The following SNAPC4 variants were observed in gnomAD, a reference collection of about 807,000 sequenced individuals.
The protein encoded by SNAPC4 is small nuclear RNA activating complex polypeptide 4, also known as snRNA-activating protein complex subunit 4.
A neutral mutation model predicts 151.3 loss-of-function variants in SNAPC4; 127 were observed. The observed-to-expected ratio is 0.84, with a 90% CI of 0.73 to 0.97. SNAPC4 has a LOEUF of 0.97. Among genes scored for constraint, SNAPC4 ranks in the 50% least tolerant of loss-of-function variants. SNAPC4 has a pLI of 0.00. For synonymous variants in SNAPC4, 1,002 were observed against 824.4 expected, an observed-to-expected ratio of 1.22 and a Z score of -3.69; for missense variants, 2,186 against 1,935.0, an observed-to-expected ratio of 1.13 and a Z score of -2.43.
chr9:136,377,260 A>G (rs1833481674), intron 22 of SNAPC4, among the ~76,000 whole-genome samples: 1 of 152,186 alleles, frequency 6.6e-6, no homozygotes, highest in Admixed American at 6.5e-5. Flanking sequence ...TCTCGCTCAG[A>G]CAAGGCCACC....
At position 136,377,666 on chromosome 9, in the gene SNAPC4, G is replaced by A. The variant is rs1346002712; in HGVS notation, c.4161C>T (p.Arg1387=). The change falls in exon 22 of 24, where the codon CGC becomes CGT. Residue 1387 remains arginine, a synonymous_variant. Transcript: ENST00000684778. ...CCCTCGAAGGTACTGAGAGGGTGGT[G>A]CGGACGCCTTGGGGGGCCAGGGTGG... is the stretch of plus-strand genomic sequence containing the variant. ...LLATLAPQGV[R]TTLSVPSRVG... is the part of the protein sequence containing the mutation. The A allele has an allele frequency of 1.9e-6, 3 of 1,606,486 alleles. No individual in the cohort carries two copies. The highest frequency in any genetic ancestry group is 2.6e-6 in the Non-Finnish European group (3 of 1,176,034).
rs755905351 is a variant in SNAPC4 at position 136,377,863 on chromosome 9, T to C, written c.3964A>G (p.Lys1322Glu). The change falls in exon 22 of 24, where the codon AAG (lysine) becomes GAG (glutamate). Residue 1322 changes from lysine (K) to glutamate (E), a missense_variant. Physicochemically the swap from Lys to Glu is moderately conservative, Grantham distance 56 (BLOSUM62 1). Transcript: ENST00000684778. ...GAGGTGGCCTTGTGCTCCAGGGCCT[T>C]CTTGTGGAGTAGGAGACCGGACAGA... The part of the protein sequence containing the change: ...RALSGLLLHK[K>E]ALEHKATSLV... 3 of 1,611,456 alleles carry C rather than the reference T, an allele frequency of 1.9e-6. No homozygotes were observed. The highest frequency in any genetic ancestry group is 4.5e-5 in the East Asian group (2 of 44,864).
Position 136,378,742 on chromosome 9 carries a change from G to A in SNAPC4, c.3085C>T (p.Pro1029Ser), listed in dbSNP as rs762537341. The A allele has an allele frequency of 3.2e-5, 49 of 1,520,024 alleles. No homozygotes were observed. In the South Asian group the frequency reaches 3.9e-4, roughly 12 times the overall value. The allele number at this position is 1,520,024 out of a possible 1,614,324, so 94.2% of individuals were successfully genotyped here. The change falls in exon 22 of 24, where the codon CCC becomes TCC. Residue 1029 changes from proline to serine, a missense_variant. By Grantham distance (74) the Pro-to-Ser change is moderately conservative. Coordinates refer to ENST00000684778, the MANE Select transcript of SNAPC4 (RefSeq NM_003086.4). Reference sequence around the variant, plus strand: ...AGGCCCTGCTTCCGGGATGCAGCGGGGGCCTGAGACTGTCCGAGACCACTC... The same window carrying A: ...AGGCCCTGCTTCCGGGATGCAGCGGAGGCCTGAGACTGTCCGAGACCACTC... The part of the protein sequence containing the change: ...PESGLGQSQA[P>S]AASRKQGLPE...
chr9:136,376,339 C>T lies in SNAPC4; in HGVS notation c.*7+10G>A, dbSNP rs1462115126. ...GTTGTAGGGCAGTGGCCTCCCCACT[C>T]AGGACTCACCTGCTGCTCACACCAG... On this transcript the variant is annotated intron_variant, in intron 23 of 23. Coordinates refer to ENST00000684778, the MANE Select transcript of SNAPC4 (RefSeq NM_003086.4). 2 of 1,612,736 alleles carry T rather than the reference C, an allele frequency of 1.2e-6. No individual in the cohort carries two copies. The highest frequency in any genetic ancestry group is 2.2e-5 in the South Asian group (2 of 91,068).
At chr9:136,389,813 G>C (rs1382344469) in intron 10 of SNAPC4, among the ~76,000 whole-genome samples, 2 of 152,164 alleles carry the variant, frequency 1.3e-5, no homozygotes, top group East Asian at 1.9e-4. Context: ...GCTCTCAAAG[G>C]GGGCTGGAGG....
chr9:136,397,020 G>A lies in SNAPC4; in HGVS notation c.134C>T (p.Ser45Leu), dbSNP rs372635602. ...AGGATCCAAGTCCTCAGAAGGCAGT[G>A]AATCTGTCAGAAACACAAGCAACAC... ...SSLESDSEAD[S>L]LPSEDLDPAD... Residue 45 changes from serine to leucine, a missense_variant, in exon 3 of 24, where the codon TCA (serine) becomes TTA (leucine). Coordinates refer to ENST00000684778, the MANE Select transcript of SNAPC4 (RefSeq NM_003086.4). The A allele has an allele frequency of 7.4e-6, 12 of 1,612,666 alleles. No individual in the cohort carries two copies. Among genetic ancestry groups the A allele is most frequent in the African/African-American group, 2.7e-5 (2 of 74,912 alleles).
In SNAPC4 at chr9:136,380,757, G is replaced by C; in HGVS notation, c.2482C>G (p.Pro828Ala). 1 of 1,602,152 alleles carries C rather than the reference G, an allele frequency of 6.2e-7. No homozygotes were observed. Among genetic ancestry groups the C allele is most frequent in the Non-Finnish European group, 8.5e-7 (1 of 1,170,226 alleles). ...RLPQAGARDP[P>A]VHLLQASSSA... ...CCTGCTACCTGCAGAAGATGAACTG[G>C]TGGGTCCCGAGCACCAGCCTGGGGC... Residue 828 changes from proline to alanine, a missense_variant, in exon 20 of 24, where the codon CCA becomes GCA. Coordinates refer to ENST00000684778, the MANE Select transcript of SNAPC4 (RefSeq NM_003086.4).
In SNAPC4 at chr9:136,388,597, C is replaced by T. The variant is rs1833969671; in HGVS notation, c.976-6G>A. The T allele has an allele frequency of 6.2e-7, 1 of 1,613,894 alleles. No individual in the cohort carries two copies. The highest frequency in any genetic ancestry group is 8.5e-7 in the Non-Finnish European group (1 of 1,180,002). ...TGGAAGGCGCTGCGGCTGGTCTTCC[C>T]AGGCCCAAACAAAAGCAAATGAGTG... is the stretch of plus-strand genomic sequence containing the variant. On this transcript the variant is annotated splice_polypyrimidine_tract_variant and splice_region_variant and intron_variant, in intron 10 of 23. Transcript: ENST00000684778.
chr9:136,397,733 T>G (rs1399766765), intron 2 of SNAPC4, among the ~76,000 whole-genome samples: 68 of 46,726 alleles, frequency 1.5e-3, no homozygotes, highest in Middle Eastern at 0.014. Context: ...AGGAGAGCAC[T>G]TGGGGTGGGG....
intron 21 of SNAPC4, 51 bp downstream of exon 21, chr9:136,379,786 G>A (rs776435898): frequency 1.6e-5 from 26 of 1,584,106 alleles, no homozygotes; most frequent in South Asian, 8.9e-5. Context: ...CCTCTTCCCC[G>A]CCAGGGCCAG....
At chr9:136,396,845 T>C (rs1834291289) in intron 3 of SNAPC4, 132 bp downstream of exon 3, 2 of 766,454 alleles carry the variant, frequency 2.6e-6, no homozygotes, top group African/African-American at 1.7e-5. Context: ...TTAATTTTTT[T>C]ATAACAAACG....
rs1834221685 is a variant in SNAPC4 at position 136,395,200 on chromosome 9, T to C, written c.471+98A>G. On this transcript the variant is annotated intron_variant, in intron 5 of 23. Coordinates refer to ENST00000684778, the MANE Select transcript of SNAPC4 (RefSeq NM_003086.4). ...GAGGTTGGCCAATGTTATCTTGAAC[T>C]CACAGGAATTCACGACTCCCTGCAG... 9.6e-6 allele frequency: 14 copies of C among 1,451,570 alleles called. No homozygotes were observed. The South Asian group carries it at 1.8e-4, about 19-fold the overall frequency. 89.9% of individuals were successfully genotyped at this position (1,451,570 alleles called of 1,614,324 possible).
chr9:136,381,445 G>A (rs1212486246), intron 18 of SNAPC4, 53 bp from the exon 19 acceptor site: 1 of 1,488,864 alleles, frequency 6.7e-7, no homozygotes, highest in Non-Finnish European at 9.3e-7. Context: ...ATGGGCACAG[G>A]GGGATGGGTG....
rs770049261 is a variant in SNAPC4, at chr9:136,378,707, C to T, written c.3120G>A (p.Ala1040=). The change falls in exon 22 of 24, where the codon GCG becomes GCA. Residue 1040 remains alanine, a synonymous_variant. Transcript: ENST00000684778. ...AASRKQGLPE[A]PPFLPAAPSP... ...TGGGGGCTGCGGGGAGAAAGGGTGGCGCCTCAGGCAGGCCCTGCTTCCGGG... is the reference window on the plus strand; with the variant it reads ...TGGGGGCTGCGGGGAGAAAGGGTGGTGCCTCAGGCAGGCCCTGCTTCCGGG... 1.3e-5 allele frequency: 20 copies of T among 1,496,604 alleles called. No individual in the cohort carries two copies. The highest frequency in any genetic ancestry group is 2.3e-5 in the Admixed American group (1 of 43,574). The allele number at this position is 1,496,604 out of a possible 1,614,324, so 92.7% of individuals were successfully genotyped here.
chr9:136,377,636 G>A lies in SNAPC4; in HGVS notation c.4191C>T (p.Gly1397=), dbSNP rs747278911. 6.3e-6 allele frequency: 10 copies of A among 1,584,558 alleles called. No homozygotes were observed. In the East Asian group the frequency reaches 1.1e-4, roughly 18 times the overall value. ...GGAGGTCTTCATCCTCACTCTCAGA[G>A]CCCACCCTCGAAGGTACTGAGAGGG... ...RTTLSVPSRV[G]SESEDEDLLS... The change falls in exon 22 of 24, where the codon GGC becomes GGT. Residue 1397 remains glycine (G), a synonymous_variant. Transcript: ENST00000684778.
chr9:136,397,686 TG>T (rs1347533000), intron 2 of SNAPC4, among the ~76,000 whole-genome samples: 2 of 20,986 alleles, frequency 9.5e-5, no homozygotes, highest in Non-Finnish European at 1.7e-4. Context: ...GGGGAGCACG[TG>T]GGGTGGGGAG....
chr9:136,379,769 G>C, intron 21 of SNAPC4, 68 bp downstream of exon 21: 9 of 1,471,822 alleles, frequency 6.1e-6, no homozygotes, highest in Non-Finnish European at 8.5e-6. Context: ...GCCAGGGCCA[G>C]GTTAGGCCTC....
At position 136,375,888 on chromosome 9, in the gene SNAPC4, C is replaced by T. The variant is rs76673139; in HGVS notation, c.*8-88G>A. The T allele has an allele frequency of 6.6e-3, 1,019 of 153,564 alleles. 4 individuals carry two copies. Among genetic ancestry groups the T allele is most frequent in the Non-Finnish European group, 0.01 (695 of 68,816 alleles). 9.5% of individuals were successfully genotyped at this position (153,564 alleles called of 1,614,324 possible). A position where few individuals can be genotyped will look rare whatever the true frequency, so the allele number is the denominator to read the frequency against. On this transcript the variant is annotated intron_variant, in intron 23 of 23. Transcript: ENST00000684778. ...GGGACAGACAAACAGGAACCAAGAC[C>T]ACCCCAGCGCCGGCCACGCCCAGTC...
At chr9:136,393,595 C>T (rs1834156333) in intron 7 of SNAPC4, among the ~76,000 whole-genome samples, 1 of 152,210 alleles carries the variant, frequency 6.6e-6, no homozygotes, top group African/African-American at 2.4e-5. Flanking sequence ...AAGGGAAGCC[C>T]AGAGAAGCTG....
Sources: gnomAD v4.1 joint callset for allele counts (sites outside exome capture counted in the v4.1 genomes callset) on GRCh38, gnomAD v4.1.1 for gene constraint, MANE v1.5 for transcripts, NCBI Gene and HGNC (gene_info 2026-07-23, HGNC 2026-07-21) for gene names.